Variants in PLEKHA5 observed in about 807,000 individuals in gnomAD.
PLEKHA5 encodes pleckstrin homology domain-containing family A member 5.
A neutral mutation model predicts 181.9 loss-of-function variants in PLEKHA5; 55 were observed. The observed-to-expected ratio is 0.30, with a 90% CI of 0.24 to 0.38. The LOEUF (loss-of-function observed/expected upper bound fraction) is 0.38. PLEKHA5 is among the 10% of genes least tolerant of loss of function. The probability of loss-of-function intolerance (pLI) is 1.00; values close to 1 mark genes in which losing one functional copy is unlikely to be tolerated. For missense variants in PLEKHA5, 1,432 were observed against 1,549.5 expected (o/e 0.92, Z 1.27); for synonymous variants, 535 against 529.4 (o/e 1.01, Z -0.15).
chr12:19,293,269 G>T (rs1170581040), intron 15 of PLEKHA5, among the ~76,000 whole-genome samples: 1 of 152,072 alleles, frequency 6.6e-6, no homozygotes, highest in African/African-American at 2.4e-5. Context: ...CCTTTGAAAG[G>T]TGTTAAATCA....
intron 3 of PLEKHA5, among the ~76,000 whole-genome samples, chr12:19,183,946 C>T (rs1052109696): frequency 5.3e-5 from 8 of 152,144 alleles, no homozygotes; most frequent in African/African-American, 1.7e-4. Context: ...AACTCCTGAC[C>T]TCAGATTATC....
chr12:19,200,487 A>G, intron 3 of PLEKHA5: 2 of 1,383,728 alleles, frequency 1.4e-6, no homozygotes, highest in East Asian at 5.2e-5. Context: ...TAGCTTTCCT[A>G]TTCTCCATAA....
intron 20 of PLEKHA5, among the ~76,000 whole-genome samples, chr12:19,326,638 T>G (rs2092138427): frequency 6.6e-6 from 1 of 152,182 alleles, no homozygotes; most frequent in Non-Finnish European, 1.5e-5. Context: ...GGGTCTATTG[T>G]GTGATGCTGA....
chr12:19,300,799 G>T (rs2081262707), intron 15 of PLEKHA5, among the ~76,000 whole-genome samples: 1 of 152,046 alleles, frequency 6.6e-6, no homozygotes, highest in South Asian at 2.1e-4. Flanking sequence ...GTTAACCATT[G>T]ATAAAATCCA....
At chr12:19,346,474 C>G (rs1158389138) in intron 23 of PLEKHA5, among the ~76,000 whole-genome samples, 1 of 151,614 alleles carries the variant, frequency 6.6e-6, no homozygotes. Context: ...ACCCCCATCT[C>G]TAGAAAACAT....
intron 15 of PLEKHA5, among the ~76,000 whole-genome samples, chr12:19,303,273 G>C (rs2082132048): frequency 6.6e-6 from 1 of 151,874 alleles, no homozygotes; most frequent in African/African-American, 2.4e-5. Flanking sequence ...ATTTTTAAAG[G>C]GAGTATGGAG....
intron 18 of PLEKHA5, among the ~76,000 whole-genome samples, chr12:19,321,974 AT>A (rs1397958732): frequency 1.3e-5 from 2 of 152,096 alleles, no homozygotes; most frequent in African/African-American, 4.8e-5. Flanking sequence ...GATGAAAGTT[AT>A]TTTTCTCCAT....
intron 3 of PLEKHA5, among the ~76,000 whole-genome samples, chr12:19,200,021 A>G (rs1424821903): frequency 2.6e-5 from 4 of 152,114 alleles, no homozygotes; most frequent in African/African-American, 4.8e-5. Flanking sequence ...AGTGGGTACA[A>G]ACATACAGTT....
chr12:19,253,880 A>C (rs1367815134), intron 3 of PLEKHA5, 60 bp from the exon 4 acceptor site: 22 of 1,002,416 alleles, frequency 2.2e-5, no homozygotes, highest in Non-Finnish European at 3.4e-5. Flanking sequence ...TAATGTTACA[A>C]TAAATAAATG....
intron 3 of PLEKHA5, among the ~76,000 whole-genome samples, chr12:19,167,961 TA>T (rs1304550413): frequency 2.0e-5 from 3 of 152,122 alleles, no homozygotes; most frequent in Non-Finnish European, 4.4e-5. Flanking sequence ...GATAATTCCA[TA>T]TTTAATCACA....
intron 3 of PLEKHA5, among the ~76,000 whole-genome samples, chr12:19,175,533 A>G (rs1251526159): frequency 6.6e-6 from 1 of 152,182 alleles, no homozygotes; most frequent in Non-Finnish European, 1.5e-5. Context: ...TTCTATATAA[A>G]AATTCTGGTA....
At chr12:19,249,592 T>C (rs1388992486) in intron 3 of PLEKHA5, among the ~76,000 whole-genome samples, 2 of 152,226 alleles carry the variant, frequency 1.3e-5, no homozygotes, top group Non-Finnish European at 2.9e-5. Context: ...AAGGGAGGAC[T>C]ACTGTATATA....
At chr12:19,278,495 A>G (rs1274832787) in intron 11 of PLEKHA5, among the ~76,000 whole-genome samples, 1 of 152,140 alleles carries the variant, frequency 6.6e-6, no homozygotes. Context: ...CTTTTTGCAT[A>G]TTAAGCCTCC....
intron 3 of PLEKHA5, among the ~76,000 whole-genome samples, chr12:19,241,040 T>C (rs572334350): frequency 3.9e-5 from 6 of 152,344 alleles, no homozygotes; most frequent in Non-Finnish European, 7.4e-5. Context: ...TTATCAGTGT[T>C]CCTTATTCAT....
intron 20 of PLEKHA5, among the ~76,000 whole-genome samples, chr12:19,330,837 G>A (rs775116600): frequency 1.3e-5 from 2 of 151,906 alleles, no homozygotes; most frequent in Admixed American, 1.3e-4. Flanking sequence ...ATATCATAAG[G>A]CTTTGATTTT....
chr12:19,363,130 T>TTG (rs1555173247), intron 29 of PLEKHA5, among the ~76,000 whole-genome samples: 1 of 150,438 alleles, frequency 6.6e-6, no homozygotes, highest in Non-Finnish European at 1.5e-5. Flanking sequence ...TTGTTTTTTT[T>TTG]TTGTTGTTGT....
intron 3 of PLEKHA5, among the ~76,000 whole-genome samples, chr12:19,197,423 G>A (rs927777980): frequency 6.6e-6 from 1 of 151,896 alleles, no homozygotes; most frequent in Non-Finnish European, 1.5e-5. Context: ...TTTTGCTCAC[G>A]TCTCACCTTT....
intron 3 of PLEKHA5, among the ~76,000 whole-genome samples, chr12:19,178,281 A>G (rs1565430132): frequency 6.6e-6 from 1 of 152,232 alleles, no homozygotes; most frequent in African/African-American, 2.4e-5. Flanking sequence ...TCTCTTGTAC[A>G]TTATATTTTG....
chr12:19,320,067 TTATATATTATA>T lies in PLEKHA5; in HGVS notation c.2154+17_2154+27del, dbSNP rs1236678444. The T allele has an allele frequency of 2.2e-6, 2 of 897,946 alleles. No individual in the cohort carries two copies. The highest frequency in any genetic ancestry group is 1.7e-6 in the Non-Finnish European group (1 of 594,442). The allele number at this position is 897,946 out of a possible 1,614,324, so 55.6% of individuals were successfully genotyped here. A position where few individuals can be genotyped will look rare whatever the true frequency, so the allele number is the denominator to read the frequency against. On this transcript the variant is annotated intron_variant, in intron 17 of 31. Coordinates refer to ENST00000429027, the MANE Select transcript of PLEKHA5 (RefSeq NM_001256470.2). ...ATAAGTCTATATTGTGTATGTGTGTTTATATATTATATATATGTATACAATATGTTATAGGT... is the reference window on the plus strand; with the variant it reads ...ATAAGTCTATATTGTGTATGTGTGTTTATATGTATACAATATGTTATAGGT...
Sources: allele counts gnomAD v4.1 joint callset (sites outside exome capture counted in the v4.1 genomes callset), GRCh38; gene constraint gnomAD v4.1.1; transcripts MANE v1.5; gene names NCBI Gene and HGNC (gene_info 2026-07-23, HGNC 2026-07-21).